Variants in CLPB observed in about 807,000 individuals in gnomAD.
CLPB encodes ClpB family mitochondrial disaggregase.
A neutral mutation model predicts 78.4 loss-of-function variants in CLPB; 40 were observed. The ratio of observed to expected loss-of-function variants is 0.51; its 90% CI spans 0.40 to 0.66. The LOEUF (loss-of-function observed/expected upper bound fraction) is 0.66. Ranked by LOEUF, CLPB falls within the 30% of genes least tolerant of loss-of-function variation. CLPB has a pLI of 0.00. For missense variants in CLPB, 780 were observed against 886.9 expected, an observed-to-expected ratio of 0.88 and a Z score of 1.53; for synonymous variants, 333 against 348.0, an observed-to-expected ratio of 0.96 and a Z score of 0.48.
chr11:72,342,343 ACTC>A (rs1315280608), intron 5 of CLPB, among the ~76,000 whole-genome samples: 1 of 151,896 alleles, frequency 6.6e-6, no homozygotes, highest in Non-Finnish European at 1.5e-5. Flanking sequence ...AAAAGCAAAA[ACTC>A]CTGCCAAGGA....
intron 2 of CLPB, among the ~76,000 whole-genome samples, chr11:72,420,404 G>A (rs1299109962): frequency 6.6e-6 from 1 of 151,998 alleles, no homozygotes; most frequent in Non-Finnish European, 1.5e-5. Context: ...TGAGGCAGGA[G>A]AATGGCTTGA....
chr11:72,394,261 GTC>G (rs1196468442), intron 3 of CLPB, among the ~76,000 whole-genome samples: 3 of 152,176 alleles, frequency 2.0e-5, no homozygotes, highest in Non-Finnish European at 4.4e-5. Flanking sequence ...TTTTAAAGAA[GTC>G]TCTTAAAGAA....
chr11:72,313,341 C>T (rs1423531135), intron 7 of CLPB, among the ~76,000 whole-genome samples: 1 of 152,208 alleles, frequency 6.6e-6, no homozygotes, highest in Non-Finnish European at 1.5e-5. Context: ...CATGAAAGAG[C>T]TCTCTTCTTA....
intron 6 of CLPB, among the ~76,000 whole-genome samples, chr11:72,323,214 A>G (rs1950073499): frequency 6.6e-6 from 1 of 152,244 alleles, no homozygotes; most frequent in African/African-American, 2.4e-5. Context: ...AATCACAATG[A>G]AACAGCAGAT....
chr11:72,374,280 A>G (rs943365061), intron 4 of CLPB, among the ~76,000 whole-genome samples: 2 of 152,186 alleles, frequency 1.3e-5, no homozygotes, highest in Admixed American at 6.5e-5. Context: ...TAACAACCCT[A>G]TAAGATGGGT....
At chr11:72,391,775 C>T (rs116881498) in intron 3 of CLPB, among the ~76,000 whole-genome samples, 4,819 of 152,250 alleles carry the variant, frequency 0.032, 117 homozygotes, top group Non-Finnish European at 0.04. Flanking sequence ...AGGGTGGTCA[C>T]TAAGTGGCAG....
chr11:72,288,177 T>A lies in CLPB; in HGVS notation c.*5190A>T, dbSNP rs1483019075. The A allele has an allele frequency of 6.6e-6, 1 of 152,178 alleles. No individual in the cohort carries two copies. Among genetic ancestry groups the A allele is most frequent in the East Asian group, 1.9e-4 (1 of 5,198 alleles). 9.4% of individuals were successfully genotyped at this position (152,178 alleles called of 1,614,324 possible). A position where few individuals can be genotyped will look rare whatever the true frequency, so the allele number is the denominator to read the frequency against. On this transcript the variant is annotated 3_prime_UTR_variant, in exon 16 of 16. Transcript: ENST00000538039. ...TTTCATTTCCAAGTCTGGTCTCATG[T>A]ATTCTAGGATCCTCAATAAGGAATT... is the stretch of plus-strand genomic sequence containing the variant.
At chr11:72,403,525 C>G (rs1855623924) in intron 2 of CLPB, among the ~76,000 whole-genome samples, 3 of 152,184 alleles carry the variant, frequency 2.0e-5, no homozygotes, top group Admixed American at 2.0e-4. Flanking sequence ...CTCATCCAGT[C>G]CACAGCAATT....
intron 6 of CLPB, among the ~76,000 whole-genome samples, chr11:72,323,906 G>T (rs897880009): frequency 1.3e-5 from 2 of 151,750 alleles, no homozygotes; most frequent in Non-Finnish European, 2.9e-5. Flanking sequence ...AGGGGTAAAG[G>T]AGCATCATGT....
At chr11:72,305,437 G>A (rs1389809699) in intron 9 of CLPB, among the ~76,000 whole-genome samples, 1 of 152,228 alleles carries the variant, frequency 6.6e-6, no homozygotes, top group Non-Finnish European at 1.5e-5. Flanking sequence ...TCACCATGAT[G>A]TGATGACATA....
At chr11:72,425,687 T>C (rs1476120683) in intron 2 of CLPB, among the ~76,000 whole-genome samples, 1 of 152,156 alleles carries the variant, frequency 6.6e-6, no homozygotes, top group Non-Finnish European at 1.5e-5. Context: ...CTCCAGTCCC[T>C]CCTGGCCTCA....
chr11:72,388,676 G>GT (rs1165841311), intron 3 of CLPB, among the ~76,000 whole-genome samples: 1 of 152,138 alleles, frequency 6.6e-6, no homozygotes, highest in Non-Finnish European at 1.5e-5. Flanking sequence ...TGGCCAGTAG[G>GT]TTTTTTGTTC....
chr11:72,292,242 C>CT lies in CLPB; in HGVS notation c.*1124dup, dbSNP rs2135481545. The CT allele has an allele frequency of 6.6e-6, 1 of 152,396 alleles. No individual in the cohort carries two copies. The highest frequency in any genetic ancestry group is 1.9e-4 in the East Asian group (1 of 5,164). The allele number at this position is 152,396 out of a possible 1,614,324, so 9.4% of individuals were successfully genotyped here. A position where few individuals can be genotyped will look rare whatever the true frequency, so the allele number is the denominator to read the frequency against. On this transcript the variant is annotated 3_prime_UTR_variant, in exon 16 of 16. Coordinates refer to ENST00000538039, the MANE Select transcript of CLPB (RefSeq NM_001258392.3). ...CATTCTCTGCTTCCTGAAAGACTAG[C>CT]TAACACTACGCGAGGGTTCCATGAA...
Position 72,402,991 on chromosome 11 carries a change from C to T in CLPB, c.517G>A (p.Val173Met), listed in dbSNP as rs1296900809. 2 of 1,613,774 alleles carry T rather than the reference C, an allele frequency of 1.2e-6. No individual in the cohort carries two copies. The highest frequency in any genetic ancestry group is 1.7e-6 in the Non-Finnish European group (2 of 1,180,018). ...CTGTTGTTTCGGTTGATGGCTGCCACCATGAGTGCTGTCCAGCCAAGTCTG... is the reference window on the plus strand; with the variant it reads ...CTGTTGTTTCGGTTGATGGCTGCCATCATGAGTGCTGTCCAGCCAAGTCTG... Reference protein sequence around the residue: ...KHRLGWTALMVAAINRNNSVV... With the variant: ...KHRLGWTALMMAAINRNNSVV... Residue 173 changes from valine to methionine, a missense_variant, in exon 3 of 16, where the codon GTG becomes ATG. By Grantham distance (21) the Val-to-Met change is conservative. This residue lies in a region of CLPB where 417 missense variants were observed against 414.7 expected (regional missense o/e 1.01). Coordinates refer to ENST00000538039, the MANE Select transcript of CLPB (RefSeq NM_001258392.3).
intron 3 of CLPB, among the ~76,000 whole-genome samples, chr11:72,401,347 A>T (rs1319383828): frequency 1.3e-5 from 2 of 152,182 alleles, no homozygotes; most frequent in African/African-American, 4.8e-5. Flanking sequence ...AGGCTGAGGC[A>T]GTGGAATTGC....
intron 2 of CLPB, among the ~76,000 whole-genome samples, chr11:72,422,265 CAAAAAAAAAA>C (rs71469431): frequency 8.0e-5 from 2 of 24,976 alleles, no homozygotes; most frequent in Non-Finnish European, 1.9e-4. Flanking sequence ...GACTCCGTCT[CAAAAAAAAAA>C]AAAAAAAAAA....
chr11:72,355,430 G>A (rs1404543008), intron 5 of CLPB: 1 of 152,200 alleles, frequency 6.6e-6, no homozygotes, highest in African/African-American at 2.4e-5. Flanking sequence ...GCCAGAATGA[G>A]AGTTTGATTT....
At chr11:72,333,281 T>C (rs1950261249) in intron 5 of CLPB, among the ~76,000 whole-genome samples, 1 of 152,204 alleles carries the variant, frequency 6.6e-6, no homozygotes, top group African/African-American at 2.4e-5. Flanking sequence ...AGTGTGTCTG[T>C]GGTCTTCCTA....
intron 2 of CLPB, among the ~76,000 whole-genome samples, chr11:72,416,102 T>C (rs1241162710): frequency 6.6e-6 from 1 of 152,180 alleles, no homozygotes; most frequent in Non-Finnish European, 1.5e-5. Context: ...TGACAGCCCA[T>C]CATGTGCCAA....
Sources: allele counts gnomAD v4.1 joint callset (sites outside exome capture counted in the v4.1 genomes callset), GRCh38; gene constraint gnomAD v4.1.1; regional missense constraint gnomAD v4.1.1; transcripts MANE v1.5; gene names NCBI Gene and HGNC (gene_info 2026-07-23, HGNC 2026-07-21).